ATXN7L1: variants seen among roughly 807,000 people sequenced by gnomAD.
The protein encoded by ATXN7L1 is ataxin-7-like protein 1.
Under a neutral mutation model 70.8 loss-of-function variants are expected in ATXN7L1, and 15 were observed. That is an observed-to-expected ratio of 0.21 (90% CI 0.14 to 0.33). The LOEUF is 0.33. Ranked by LOEUF, ATXN7L1 falls within the 10% of genes least tolerant of loss-of-function variation. ATXN7L1 has a pLI of 1.00. For missense variants in ATXN7L1, 975 were observed against 1,097.1 expected (o/e 0.89, Z 1.57); for synonymous variants, 440 against 445.1 (o/e 0.99, Z 0.14).
intron 2 of ATXN7L1, 26 bp downstream of exon 2, chr7:105,875,786 A>G (rs1320269996): frequency 1.3e-6 from 2 of 1,596,138 alleles, no homozygotes; most frequent in Non-Finnish European, 1.7e-6. Flanking sequence ...ACATGCTAAC[A>G]CTAAAATGCC....
rs143862002 is a variant in ATXN7L1, at chr7:105,641,168, C to T, written c.863-1599G>A. The stretch of plus-strand genomic sequence containing the variant: ...CTGGCTGGTTACCAAAATGCCTCCC[C>T]CCTTTTTTTGCTTTTTGTCTGCCTT... On this transcript the variant is annotated intron_variant, in intron 5 of 11. Coordinates refer to ENST00000419735, the MANE Select transcript of ATXN7L1 (RefSeq NM_020725.2). Among the ~76,000 whole-genome samples, 769 of 144,730 alleles carry T rather than the reference C, an allele frequency of 5.3e-3. 1 individual carries two copies. Among genetic ancestry groups the T allele is most frequent in the Admixed American group, 9.4e-3 (135 of 14,372 alleles). 94.9% of individuals were successfully genotyped at this position (144,730 alleles called of 152,430 possible).
At chr7:105,757,537 T>C (rs1190107554) in intron 3 of ATXN7L1, among the ~76,000 whole-genome samples, 4 of 151,646 alleles carry the variant, frequency 2.6e-5, no homozygotes, top group Admixed American at 2.0e-4. Flanking sequence ...CAAAAGCTTT[T>C]TTTTTTTTTT....
At chr7:105,825,048 C>G (rs941677617) in intron 2 of ATXN7L1, among the ~76,000 whole-genome samples, 17 of 152,108 alleles carry the variant, frequency 1.1e-4, no homozygotes, top group Admixed American at 1.0e-3. Flanking sequence ...TGGTCTCACA[C>G]AAGACTGGCA....
At chr7:105,757,912 C>T (rs1800007748) in intron 3 of ATXN7L1, among the ~76,000 whole-genome samples, 1 of 152,058 alleles carries the variant, frequency 6.6e-6, no homozygotes, top group South Asian at 2.1e-4. Flanking sequence ...TTTGATACTC[C>T]TTGGAATTTA....
chr7:105,662,022 CTTT>C (rs58403110), intron 4 of ATXN7L1, among the ~76,000 whole-genome samples: 10,196 of 71,110 alleles, frequency 0.14, 435 homozygotes, highest in Admixed American at 0.19. Context: ...TTCTTTCTTT[CTTT>C]CTTTCCTTCC....
chr7:105,636,792 T>C (rs1335692721), intron 7 of ATXN7L1, among the ~76,000 whole-genome samples: 1 of 152,056 alleles, frequency 6.6e-6, no homozygotes, highest in Non-Finnish European at 1.5e-5. Flanking sequence ...TGAGAGGGTG[T>C]GGGGGACAAT....
At chr7:105,642,698 T>C in intron 5 of ATXN7L1, 140 bp downstream of exon 5, 1 of 1,085,208 alleles carries the variant, frequency 9.2e-7, no homozygotes, top group Non-Finnish European at 1.3e-6. Flanking sequence ...TAGGTGGGGT[T>C]CCTGTTTGCA....
At position 105,613,931 on chromosome 7, in the gene ATXN7L1, A is replaced by G; in HGVS notation, c.2403T>C (p.Val801=). The G allele has an allele frequency of 1.9e-6, 3 of 1,552,152 alleles. No homozygotes were observed. ...KITKMPGMNS[V]HKKNPPSLLA... ...GAAGGCTGGGCGGGTTCTTTTTGTG[A>G]ACGCTATTCATACCAGGCATTTTAG... is the stretch of plus-strand genomic sequence containing the variant. Residue 801 remains valine, a synonymous_variant, in exon 10 of 12, where the codon GTT becomes GTC. Transcript: ENST00000419735.
chr7:105,637,904 C>A (rs908616329), intron 7 of ATXN7L1, among the ~76,000 whole-genome samples: 1 of 152,192 alleles, frequency 6.6e-6, no homozygotes, highest in Non-Finnish European at 1.5e-5. Flanking sequence ...CAGTGAGCGT[C>A]TAAGAGGTGC....
chr7:105,862,841 C>T lies in ATXN7L1; in HGVS notation c.250+12971G>A, dbSNP rs77061761. ...TCACGGGAAGTAAATGTTGCCACATCGCCCTGTCCTCATGTGGGAGATGCA... is the reference window on the plus strand; with the variant it reads ...TCACGGGAAGTAAATGTTGCCACATTGCCCTGTCCTCATGTGGGAGATGCA... On this transcript the variant is annotated intron_variant, in intron 2 of 11. Coordinates refer to ENST00000419735, the MANE Select transcript of ATXN7L1 (RefSeq NM_020725.2). Among the ~76,000 whole-genome samples the T allele has an allele frequency of 9.5e-4, 144 of 152,278 alleles. 5 individuals are homozygous for T. The East Asian group carries it at 0.026, about 27-fold the overall frequency.
intron 2 of ATXN7L1, among the ~76,000 whole-genome samples, chr7:105,805,758 T>C (rs1807484720): frequency 6.6e-6 from 1 of 151,662 alleles, no homozygotes; most frequent in African/African-American, 2.4e-5. Flanking sequence ...GCAGCCCGGG[T>C]CGTGGGAACA....
chr7:105,779,529 G>A (rs987091450), intron 3 of ATXN7L1, among the ~76,000 whole-genome samples: 1 of 152,144 alleles, frequency 6.6e-6, no homozygotes, highest in Admixed American at 6.5e-5. Flanking sequence ...ATAATCCTTC[G>A]TTAATCAGTC....
intron 3 of ATXN7L1, among the ~76,000 whole-genome samples, chr7:105,683,295 G>A (rs933865223): frequency 6.6e-6 from 1 of 152,114 alleles, no homozygotes; most frequent in Non-Finnish European, 1.5e-5. Context: ...TCTCCTTTAC[G>A]TATTGATACT....
chr7:105,657,062 ATC>A (rs1173946872), intron 4 of ATXN7L1, among the ~76,000 whole-genome samples: 3 of 152,050 alleles, frequency 2.0e-5, no homozygotes, highest in African/African-American at 7.2e-5. Flanking sequence ...GTTAAATCTA[ATC>A]TAAGGGCCAC....
At chr7:105,829,645 C>T (rs555029687) in intron 2 of ATXN7L1, among the ~76,000 whole-genome samples, 1 of 152,286 alleles carries the variant, frequency 6.6e-6, no homozygotes, top group East Asian at 1.9e-4. Flanking sequence ...CTGCCAGGGT[C>T]CCCATCTTCA....
At chr7:105,674,401 C>A (rs1804283077) in intron 3 of ATXN7L1, among the ~76,000 whole-genome samples, 2 of 152,358 alleles carry the variant, frequency 1.3e-5, no homozygotes, top group Middle Eastern at 6.8e-3. Context: ...ACCAGCTCAT[C>A]TACCCAATAA....
chr7:105,614,084 A>C lies in ATXN7L1; in HGVS notation c.2250T>G (p.Leu750=), dbSNP rs1398088648. 6.4e-7 allele frequency: 1 copy of C among 1,551,652 alleles called. No individual in the cohort carries two copies. The highest frequency in any genetic ancestry group is 1.4e-5 in the African/African-American group (1 of 73,058). The stretch of plus-strand genomic sequence containing the variant: ...GAGAGAGGTCCCCTGCGTGGAGCGC[A>C]AGGGAGGGCACAGAGAGGGGACAGG... ...SDSCPLSVPS[L]ALHAGDLSLA... is the part of the protein sequence containing the mutation. The change falls in exon 10 of 12, where the codon CTT becomes CTG. Residue 750 remains leucine (L), a synonymous_variant. Coordinates refer to ENST00000419735, the MANE Select transcript of ATXN7L1 (RefSeq NM_020725.2). This position sits in a 1 kb window ranked among gnomAD's most constrained non-coding sequence, Gnocchi z 4.3.
At chr7:105,680,402 C>T (rs1805378340) in intron 3 of ATXN7L1, among the ~76,000 whole-genome samples, 1 of 152,234 alleles carries the variant, frequency 6.6e-6, no homozygotes, top group South Asian at 2.1e-4. Flanking sequence ...GGGTTCTTGG[C>T]TTCCTTTTCC....
Position 105,812,681 on chromosome 7 carries a change from C to T in ATXN7L1, c.251-23973G>A, listed in dbSNP as rs575703141. Among the ~76,000 whole-genome samples, 13 of 152,288 alleles carry T rather than the reference C, an allele frequency of 8.5e-5. No individual in the cohort carries two copies. The East Asian group carries it at 2.3e-3, about 27-fold the overall frequency. On this transcript the variant is annotated intron_variant, in intron 2 of 11. Transcript: ENST00000419735. The stretch of plus-strand genomic sequence containing the variant: ...ACTAAGCACCCACTGTGGCATTGTT[C>T]TAGGTGTCAGGAATTCATCAGTGAT...
Sources: allele counts gnomAD v4.1 joint callset (sites outside exome capture counted in the v4.1 genomes callset), GRCh38; gene constraint gnomAD v4.1.1; non-coding constraint Gnocchi (gnomAD v3.1); transcripts MANE v1.5; gene names NCBI Gene and HGNC (gene_info 2026-07-23, HGNC 2026-07-21).